STRN: variants seen among roughly 807,000 people sequenced by gnomAD.
The protein encoded by STRN is protein phosphatase 2 regulatory subunit B'''alpha.
In STRN, 53 loss-of-function variants were observed where a neutral mutation model predicts 96.3. The ratio of observed to expected loss-of-function variants is 0.55; its 90% CI spans 0.44 to 0.69. STRN has a LOEUF of 0.69. Ranked by LOEUF, STRN falls within the 30% of genes least tolerant of loss-of-function variation. The probability of loss-of-function intolerance (pLI) is 0.00; values close to 1 mark genes in which losing one functional copy is unlikely to be tolerated. For synonymous variants in STRN, 428 were observed against 355.9 expected, an observed-to-expected ratio of 1.20 and a Z score of -2.28; for missense variants, 987 against 963.9, an observed-to-expected ratio of 1.02 and a Z score of -0.32.
At chr2:36,874,193 G>A (rs1668840745) in intron 10 of STRN, among the ~76,000 whole-genome samples, 1 of 151,886 alleles carries the variant, frequency 6.6e-6, no homozygotes, top group Non-Finnish European at 1.5e-5. Flanking sequence ...GAACTCGGTA[G>A]GCGGAGCTTG....
At chr2:36,852,885 G>A (rs989832193) in intron 15 of STRN, among the ~76,000 whole-genome samples, 3 of 152,138 alleles carry the variant, frequency 2.0e-5, no homozygotes, top group East Asian at 1.9e-4. Flanking sequence ...GGCTGGGCAC[G>A]GTAGCTCACA....
intron 1 of STRN, among the ~76,000 whole-genome samples, chr2:36,939,766 G>C (rs566869971): frequency 3.3e-5 from 5 of 152,116 alleles, no homozygotes; most frequent in African/African-American, 1.2e-4. Context: ...GTAAGCATTT[G>C]CTGAACAGAA....
At chr2:36,861,564 A>T (rs1668480417) in intron 12 of STRN, among the ~76,000 whole-genome samples, 1 of 152,214 alleles carries the variant, frequency 6.6e-6, no homozygotes, top group Non-Finnish European at 1.5e-5. Context: ...TGCAACAGAA[A>T]TTATATGACT....
chr2:36,886,153 T>G (rs1468141496), intron 8 of STRN, among the ~76,000 whole-genome samples: 1 of 152,158 alleles, frequency 6.6e-6, no homozygotes, highest in Non-Finnish European at 1.5e-5. Flanking sequence ...ATGTTATAAG[T>G]AAAATTGGCC....
At chr2:36,932,910 A>T (rs1558658937) in intron 1 of STRN, among the ~76,000 whole-genome samples, 1 of 152,208 alleles carries the variant, frequency 6.6e-6, no homozygotes, top group Non-Finnish European at 1.5e-5. Context: ...AAATAAATGT[A>T]CATCAGTAGG....
In STRN at chr2:36,851,101, T is replaced by A; in HGVS notation, c.1985A>T (p.Asn662Ile). ...GACTCTATTTATTTGGCAGGAAGAG[T>A]TGGCTGCTAAAAAGAAAAAATTAAA... ...TLESNVDTTA[N>I]SSCQINRVIS... The change falls in exon 16 of 18, where the codon AAC (asparagine) becomes ATC (isoleucine). Residue 662 changes from asparagine (N) to isoleucine (I), a missense_variant. Asn to Ile is a moderately radical substitution (Grantham distance 149). Coordinates refer to ENST00000263918, the MANE Select transcript of STRN (RefSeq NM_003162.4). 2 of 1,610,572 alleles carry A rather than the reference T, an allele frequency of 1.2e-6. No individual in the cohort carries two copies. The highest frequency in any genetic ancestry group is 1.7e-6 in the Non-Finnish European group (2 of 1,178,790).
rs935544684 is a variant in STRN at position 36,848,858 on chromosome 2, T to C, written c.*598A>G. ...TCTGAATAATAATATATTTAACATATTATTGCATTTTTCTCCCCCTAACAG... is the reference window on the plus strand; with the variant it reads ...TCTGAATAATAATATATTTAACATACTATTGCATTTTTCTCCCCCTAACAG... On this transcript the variant is annotated 3_prime_UTR_variant, in exon 18 of 18. Coordinates refer to ENST00000263918, the MANE Select transcript of STRN (RefSeq NM_003162.4). 2.0e-5 allele frequency: 3 copies of C among 152,732 alleles called. No homozygotes were observed. The highest frequency in any genetic ancestry group is 7.2e-5 in the African/African-American group (3 of 41,450). 9.5% of individuals were successfully genotyped at this position (152,732 alleles called of 1,614,324 possible).
Position 36,849,210 on chromosome 2 carries a change from C to G in STRN, c.*246G>C, listed in dbSNP as rs1484403598. ...TAGAACCACCTCAGAAATAAAGGCG[C>G]CTATTGGGGAGAAATTTGAAACAGA... On this transcript the variant is annotated 3_prime_UTR_variant, in exon 18 of 18. Coordinates refer to ENST00000263918, the MANE Select transcript of STRN (RefSeq NM_003162.4). 4.3e-6 allele frequency: 2 copies of G among 462,778 alleles called. No homozygotes were observed. The highest frequency in any genetic ancestry group is 7.6e-6 in the Non-Finnish European group (2 of 261,542). 28.7% of individuals were successfully genotyped at this position (462,778 alleles called of 1,614,324 possible). A position where few individuals can be genotyped will look rare whatever the true frequency, so the allele number is the denominator to read the frequency against.
chr2:36,905,981 TAAC>T (rs1669808976), intron 3 of STRN, among the ~76,000 whole-genome samples: 2 of 152,168 alleles, frequency 1.3e-5, no homozygotes, highest in Admixed American at 1.3e-4. Flanking sequence ...AAGCCAATAA[TAAC>T]AATAATTGAA....
intron 5 of STRN, among the ~76,000 whole-genome samples, chr2:36,901,759 C>T (rs1314984072): frequency 6.6e-6 from 1 of 152,078 alleles, no homozygotes; most frequent in Non-Finnish European, 1.5e-5. Flanking sequence ...TTAATGAATA[C>T]ATTTTAAGGC....
rs764757078 is a variant in STRN at position 36,902,639 on chromosome 2, G to T, written c.604C>A (p.Gln202Lys). The T allele has an allele frequency of 1.2e-6, 2 of 1,612,004 alleles. No homozygotes were observed. The highest frequency in any genetic ancestry group is 4.5e-5 in the East Asian group (2 of 44,784). Residue 202 changes from glutamine (Q) to lysine (K), a missense_variant, in exon 5 of 18, where the codon CAG becomes AAG. Gln to Lys is a moderately conservative substitution (Grantham distance 53, BLOSUM62 1). Transcript: ENST00000263918. Reference sequence around the variant, plus strand: ...TCTGTGCCATTTACAACTGAGTCCTGATTTTTGTCATCTTCCCTGTCCGTG... The same window carrying T: ...TCTGTGCCATTTACAACTGAGTCCTTATTTTTGTCATCTTCCCTGTCCGTG... ...DVTDREDDKN[Q>K]DSVVNGTEAE...
At chr2:36,947,981 T>A (rs965323310) in intron 1 of STRN, among the ~76,000 whole-genome samples, 8 of 151,706 alleles carry the variant, frequency 5.3e-5, no homozygotes, top group East Asian at 1.9e-4. Flanking sequence ...TAATTTTTTT[T>A]AAATTAATTA....
At chr2:36,922,739 T>G (rs1467621541) in intron 2 of STRN, among the ~76,000 whole-genome samples, 3 of 152,282 alleles carry the variant, frequency 2.0e-5, no homozygotes, top group South Asian at 2.1e-4. Flanking sequence ...ATGTCAAACA[T>G]GTTCTCTCTA....
intron 9 of STRN, 86 bp downstream of exon 9, chr2:36,883,846 T>G: frequency 8.1e-7 from 1 of 1,230,864 alleles, no homozygotes; most frequent in Non-Finnish European, 1.0e-6. Context: ...TAAAGTTCTC[T>G]CTAATAGGAG....
At chr2:36,866,080 T>C (rs1668614267) in intron 12 of STRN, among the ~76,000 whole-genome samples, 1 of 152,160 alleles carries the variant, frequency 6.6e-6, no homozygotes, top group South Asian at 2.1e-4. Context: ...TTCTATTATT[T>C]ATTTATTTGA....
chr2:36,846,636 CA>C lies in STRN; in HGVS notation c.*2819del. 1 of 151,114 alleles carries C rather than the reference CA, an allele frequency of 6.6e-6. No individual in the cohort carries two copies. Among genetic ancestry groups the C allele is most frequent in the Non-Finnish European group, 1.5e-5 (1 of 67,800 alleles). The allele number at this position is 151,114 out of a possible 1,614,324, so 9.4% of individuals were successfully genotyped here. ...GCAGCTCAATTTCCCCCGTTTTAGT[CA>C]TAACTAAAATGATTATAAAAGCGAA... is the stretch of plus-strand genomic sequence containing the variant. On this transcript the variant is annotated 3_prime_UTR_variant, in exon 18 of 18. Coordinates refer to ENST00000263918, the MANE Select transcript of STRN (RefSeq NM_003162.4).
At position 36,847,994 on chromosome 2, in the gene STRN, A is replaced by G. The variant is rs1668123032; in HGVS notation, c.*1462T>C. The G allele has an allele frequency of 6.6e-6, 1 of 152,186 alleles. No homozygotes were observed. The highest frequency in any genetic ancestry group is 2.1e-4 in the South Asian group (1 of 4,834). The allele number at this position is 152,186 out of a possible 1,614,324, so 9.4% of individuals were successfully genotyped here. A position where few individuals can be genotyped will look rare whatever the true frequency, so the allele number is the denominator to read the frequency against. ...TCCAATTTCTAGATTGGTCTCTGTC[A>G]TTTGGGACAAAGAGTAAGAGAGACA... is the stretch of plus-strand genomic sequence containing the variant. On this transcript the variant is annotated 3_prime_UTR_variant, in exon 18 of 18. Coordinates refer to ENST00000263918, the MANE Select transcript of STRN (RefSeq NM_003162.4).
chr2:36,926,006 C>G (rs1438051256), intron 1 of STRN, among the ~76,000 whole-genome samples: 4 of 152,146 alleles, frequency 2.6e-5, no homozygotes, highest in Non-Finnish European at 4.4e-5. Flanking sequence ...ATAAATTGCT[C>G]CCTTTTCTCA....
chr2:36,882,086 C>T (rs115145052), intron 9 of STRN, among the ~76,000 whole-genome samples: 1 of 151,664 alleles, frequency 6.6e-6, no homozygotes, highest in Non-Finnish European at 1.5e-5. Context: ...AATGATTAAC[C>T]ATGTACTGGT....
Sources: allele counts gnomAD v4.1 joint callset (sites outside exome capture counted in the v4.1 genomes callset), GRCh38; gene constraint gnomAD v4.1.1; transcripts MANE v1.5; gene names NCBI Gene and HGNC (gene_info 2026-07-23, HGNC 2026-07-21).